Variants in NBAS observed in about 807,000 individuals in gnomAD.
NBAS encodes NBAS subunit of NRZ tethering complex.
Under a neutral mutation model 302.5 loss-of-function variants are expected in NBAS, and 219 were observed. The observed-to-expected ratio is 0.72, with a 90% CI of 0.65 to 0.81. NBAS has a LOEUF of 0.81. Among genes scored for constraint, NBAS ranks in the 30% least tolerant of loss-of-function variants. The probability of loss-of-function intolerance (pLI) is 0.00; values close to 1 mark genes in which losing one functional copy is unlikely to be tolerated. For missense variants in NBAS, 2,932 were observed against 2,841.6 expected, an observed-to-expected ratio of 1.03 and a Z score of -0.72; for synonymous variants, 1,118 against 1,021.6, an observed-to-expected ratio of 1.09 and a Z score of -1.80.
At chr2:15,464,157 C>T (rs1679627543) in intron 19 of NBAS, among the ~76,000 whole-genome samples, 3 of 152,142 alleles carry the variant, frequency 2.0e-5, no homozygotes, top group Admixed American at 2.0e-4. Flanking sequence ...AAACTCAAGA[C>T]AACACAATTC....
the NBAS span, among the ~76,000 whole-genome samples, chr2:14,826,040 A>C: frequency 3.3e-5 from 5 of 152,258 alleles, no homozygotes; most frequent in African/African-American, 1.2e-4. Context: ...TGAGACCATA[A>C]GTAACTGTGT....
the NBAS span, among the ~76,000 whole-genome samples, chr2:14,982,392 T>C: frequency 2.6e-5 from 4 of 152,304 alleles, no homozygotes; most frequent in Admixed American, 2.6e-4. Flanking sequence ...GGGTGATTTG[T>C]TATGCAGCAA....
the NBAS span, among the ~76,000 whole-genome samples, chr2:14,785,580 T>G: frequency 6.6e-6 from 1 of 152,216 alleles, no homozygotes; most frequent in Non-Finnish European, 1.5e-5. Flanking sequence ...GAGATAATCA[T>G]GTGGTTTTTG....
chr2:15,524,249 G>T (rs1459126702), intron 9 of NBAS, among the ~76,000 whole-genome samples: 4 of 152,194 alleles, frequency 2.6e-5, no homozygotes, highest in African/African-American at 9.6e-5. Context: ...CGTGGTGAAT[G>T]GAAAAAGATA....
At chr2:14,967,481 G>T in the NBAS span, among the ~76,000 whole-genome samples, 2 of 152,144 alleles carry the variant, frequency 1.3e-5, no homozygotes, top group African/African-American at 2.4e-5. Context: ...GTTAGAAAAG[G>T]AATATACATA....
At chr2:15,194,754 A>C (rs1044875688) in intron 48 of NBAS, among the ~76,000 whole-genome samples, 13 of 152,216 alleles carry the variant, frequency 8.5e-5, no homozygotes, top group African/African-American at 2.7e-4. Context: ...GGGGAAGGTA[A>C]AGGGACTGAC....
the NBAS span, among the ~76,000 whole-genome samples, chr2:15,074,360 T>A: frequency 1.6e-4 from 16 of 102,532 alleles, no homozygotes; most frequent in Admixed American, 4.2e-4. Context: ...GAAGGAAGGA[T>A]GGAAGGAAGG....
At chr2:14,924,821 C>T in the NBAS span, among the ~76,000 whole-genome samples, 2 of 152,150 alleles carry the variant, frequency 1.3e-5, no homozygotes, top group Non-Finnish European at 2.9e-5. Context: ...TCCCCCTACA[C>T]AATTATTTCT....
intron 47 of NBAS, among the ~76,000 whole-genome samples, chr2:15,223,125 C>T (rs1667020291): frequency 6.6e-6 from 1 of 152,190 alleles, no homozygotes; most frequent in African/African-American, 2.4e-5. Flanking sequence ...CTGTCAAGGA[C>T]ATTGACTAGA....
chr2:15,228,799 G>A (rs1667250526), intron 47 of NBAS, among the ~76,000 whole-genome samples: 1 of 152,178 alleles, frequency 6.6e-6, no homozygotes, highest in African/African-American at 2.4e-5. Flanking sequence ...GAGTAGATTG[G>A]TGGTTGCTGG....
chr2:15,318,948 TC>T (rs1671652177), intron 38 of NBAS, among the ~76,000 whole-genome samples: 1 of 152,140 alleles, frequency 6.6e-6, no homozygotes, highest in Non-Finnish European at 1.5e-5. Context: ...GAATATACAT[TC>T]TTCTTGCACC....
intron 40 of NBAS, among the ~76,000 whole-genome samples, chr2:15,296,365 C>T (rs1670547318): frequency 6.6e-6 from 1 of 151,996 alleles, no homozygotes; most frequent in Middle Eastern, 3.2e-3. Context: ...ATGGAGAAAC[C>T]CCGTTTCTAC....
At chr2:15,104,260 G>A in the NBAS span, among the ~76,000 whole-genome samples, 3 of 152,280 alleles carry the variant, frequency 2.0e-5, no homozygotes, top group Non-Finnish European at 2.9e-5. Flanking sequence ...CCCCAGCCAT[G>A]TGGAACTGTG....
intron 48 of NBAS, 103 bp from the exon 49 acceptor site, chr2:15,190,506 T>A (rs1665300718): frequency 7.4e-7 from 1 of 1,360,244 alleles, no homozygotes; most frequent in South Asian, 1.3e-5. Context: ...TAAAATGTTT[T>A]ACAATGTGTT....
the NBAS span, among the ~76,000 whole-genome samples, chr2:14,809,451 G>A: frequency 6.6e-6 from 1 of 152,236 alleles, no homozygotes; most frequent in Non-Finnish European, 1.5e-5. Context: ...TTGCTTCAGA[G>A]GGTGCAAGCC....
chr2:15,051,585 A>G, the NBAS span, among the ~76,000 whole-genome samples: 1 of 152,236 alleles, frequency 6.6e-6, no homozygotes, highest in African/African-American at 2.4e-5. Flanking sequence ...ATTAAAATCA[A>G]GAAGTAAGCA....
rs1278049478 is a variant in NBAS, at chr2:15,461,722, G to C, written c.2167C>G (p.Gln723Glu). 6.2e-7 allele frequency: 1 copy of C among 1,607,374 alleles called. No homozygotes were observed. The highest frequency in any genetic ancestry group is 8.5e-7 in the Non-Finnish European group (1 of 1,175,128). The change falls in exon 20 of 52, where the codon CAG becomes GAG. Residue 723 changes from glutamine (Q) to glutamate (E), a missense_variant. Coordinates refer to ENST00000281513, the MANE Select transcript of NBAS (RefSeq NM_015909.4). ...GTTCTTGCTGAGAGAACAATATTCTGATTTCTGAATTTCTTAAAGAATTCA... is the reference window on the plus strand; with the variant it reads ...GTTCTTGCTGAGAGAACAATATTCTCATTTCTGAATTTCTTAAAGAATTCA... Reference protein sequence around the residue: ...DAEFFKKFRNQNIVLSARTYA... With the variant: ...DAEFFKKFRNENIVLSARTYA...
Position 15,442,203 on chromosome 2 carries a change from C to T in NBAS, c.2340-14409G>A, listed in dbSNP as rs567003265. Among the ~76,000 whole-genome samples, 19 of 119,680 alleles carry T rather than the reference C, an allele frequency of 1.6e-4. 2 individuals are homozygous for T. Among genetic ancestry groups the T allele is most frequent in the African/African-American group, 5.3e-4 (17 of 32,372 alleles). The allele number at this position is 119,680 out of a possible 152,430, so 78.5% of individuals were successfully genotyped here. On this transcript the variant is annotated intron_variant, in intron 21 of 51. Transcript: ENST00000281513. Reference sequence around the variant, plus strand: ...CTCCACCCCAAATCAACAGAATATACATTTTTTTCAGCACCACACCACACC... The same window carrying T: ...CTCCACCCCAAATCAACAGAATATATATTTTTTTCAGCACCACACCACACC...
At chr2:15,439,937 G>C (rs923945910) in intron 21 of NBAS, among the ~76,000 whole-genome samples, 1 of 152,226 alleles carries the variant, frequency 6.6e-6, no homozygotes, top group Non-Finnish European at 1.5e-5. Context: ...ACCGCAAGGC[G>C]GCAGTGAGGC....
Sources: allele counts gnomAD v4.1 joint callset (sites outside exome capture counted in the v4.1 genomes callset), GRCh38; gene constraint gnomAD v4.1.1; transcripts MANE v1.5; gene names NCBI Gene and HGNC (gene_info 2026-07-23, HGNC 2026-07-21).